The following TRAPPC9 variants were observed in gnomAD, a reference collection of about 807,000 sequenced individuals.
TRAPPC9 encodes IKK2 binding protein.
In TRAPPC9, 83 loss-of-function variants were observed where a neutral mutation model predicts 124.0. The observed-to-expected ratio is 0.67, with a 90% CI of 0.56 to 0.80. The LOEUF is 0.80. TRAPPC9 is among the 30% of genes least tolerant of loss of function. The pLI is 0.00. For synonymous variants in TRAPPC9, 638 were observed against 617.5 expected (o/e 1.03, Z -0.49); for missense variants, 1,302 against 1,508.3 (o/e 0.86, Z 2.27).
chr8:140,183,918 A>G (rs1313093550), intron 17 of TRAPPC9, among the ~76,000 whole-genome samples: 19 of 38,210 alleles, frequency 5.0e-4, no homozygotes, highest in South Asian at 2.3e-3. Flanking sequence ...AGAGGAGAGG[A>G]GAGGAGAGGA....
intron 19 of TRAPPC9, among the ~76,000 whole-genome samples, chr8:139,950,522 A>C (rs1834566927): frequency 6.6e-6 from 1 of 152,224 alleles, no homozygotes; most frequent in African/African-American, 2.4e-5. Context: ...CAAGATAACC[A>C]GTTGGCCGAG....
intron 21 of TRAPPC9, among the ~76,000 whole-genome samples, chr8:139,808,114 T>C (rs1824193831): frequency 6.6e-6 from 1 of 152,214 alleles, no homozygotes; most frequent in African/African-American, 2.4e-5. Context: ...CATTATTAAC[T>C]ATTACTTTTT....
chr8:139,855,143 C>T (rs561408276), intron 21 of TRAPPC9, among the ~76,000 whole-genome samples: 50 of 152,318 alleles, frequency 3.3e-4, no homozygotes, highest in Non-Finnish European at 6.8e-4. Context: ...TCCTTGTAAC[C>T]CAGAGCTGGG....
intron 21 of TRAPPC9, among the ~76,000 whole-genome samples, chr8:139,850,832 T>C (rs1473416): frequency 0.19 from 29,270 of 152,072 alleles, 2,929 homozygotes; most frequent in East Asian, 0.27. Flanking sequence ...TCCCATATAC[T>C]CAGCCCCCAT....
At chr8:140,196,014 C>T (rs1419453905) in intron 17 of TRAPPC9, among the ~76,000 whole-genome samples, 1 of 129,324 alleles carries the variant, frequency 7.7e-6, no homozygotes, top group Admixed American at 8.0e-5. Context: ...CTCAGCAATC[C>T]ACTGTACAGC....
rs1249120936 is a variant in TRAPPC9 at position 140,353,025 on chromosome 8, G to A, written c.1495+7025C>T. 6.6e-6 allele frequency among the ~76,000 whole-genome samples: 1 copy of A among 152,070 alleles called. No individual in the cohort carries two copies. Among genetic ancestry groups the A allele is most frequent in the African/African-American group, 2.4e-5 (1 of 41,414 alleles). On this transcript the variant is annotated intron_variant, in intron 9 of 22. Coordinates refer to ENST00000438773, the MANE Select transcript of TRAPPC9 (RefSeq NM_001160372.4). This position sits in a 1 kb window ranked among gnomAD's most constrained non-coding sequence, Gnocchi z 4.2. ...TCCAATCCTTAAAACAATCCCACAA[G>A]GTAGACGCAAAAACCAAGACACAGA...
At chr8:139,813,818 A>G (rs1190602155) in intron 21 of TRAPPC9, among the ~76,000 whole-genome samples, 2 of 152,222 alleles carry the variant, frequency 1.3e-5, no homozygotes, top group African/African-American at 4.8e-5. Flanking sequence ...GGTAGCAGAC[A>G]AAAACCACAT....
intron 9 of TRAPPC9, among the ~76,000 whole-genome samples, chr8:140,342,336 T>C (rs1457889287): frequency 1.3e-5 from 2 of 152,228 alleles, no homozygotes; most frequent in East Asian, 1.9e-4. Flanking sequence ...TATCCACTAA[T>C]ATATTTGGGA....
At chr8:140,218,832 C>T (rs1481591124) in intron 17 of TRAPPC9, among the ~76,000 whole-genome samples, 9 of 152,012 alleles carry the variant, frequency 5.9e-5, no homozygotes, top group African/African-American at 7.3e-5. Flanking sequence ...TGGTGGCGCA[C>T]GCCTGTAATT....
At chr8:139,937,888 C>T (rs1272223275) in intron 19 of TRAPPC9, among the ~76,000 whole-genome samples, 2 of 152,158 alleles carry the variant, frequency 1.3e-5, no homozygotes, top group Non-Finnish European at 2.9e-5. Context: ...CTCTGGTGCC[C>T]GCTGTGGCTC....
chr8:139,769,747 T>G (rs762861303), intron 21 of TRAPPC9, among the ~76,000 whole-genome samples: 12 of 152,176 alleles, frequency 7.9e-5, no homozygotes, highest in Non-Finnish European at 1.6e-4. Flanking sequence ...TCAGAGAAAA[T>G]GAGTGGAAGA....
intron 7 of TRAPPC9, among the ~76,000 whole-genome samples, chr8:140,390,069 C>A (rs1394832657): frequency 6.6e-6 from 1 of 152,020 alleles, no homozygotes; most frequent in Non-Finnish European, 1.5e-5. Flanking sequence ...TTTGGGAGGC[C>A]GAGGCAGGTG....
chr8:139,976,868 G>A (rs1446538894), intron 19 of TRAPPC9, among the ~76,000 whole-genome samples: 1 of 152,180 alleles, frequency 6.6e-6, no homozygotes, highest in Non-Finnish European at 1.5e-5. Flanking sequence ...CCTCTGAGAG[G>A]AGCAGTGTGG....
At chr8:140,049,751 G>A (rs567772721) in intron 17 of TRAPPC9, among the ~76,000 whole-genome samples, 11 of 152,296 alleles carry the variant, frequency 7.2e-5, no homozygotes, top group East Asian at 3.9e-4. Flanking sequence ...CTTCCTGAGC[G>A]TCTGTATCCC....
intron 19 of TRAPPC9, among the ~76,000 whole-genome samples, chr8:139,972,942 C>T (rs575403885): frequency 6.6e-6 from 1 of 152,172 alleles, no homozygotes; most frequent in Admixed American, 6.5e-5. Flanking sequence ...TCGGCTGAAG[C>T]CCAGCAGCTC....
intron 9 of TRAPPC9, among the ~76,000 whole-genome samples, chr8:140,342,031 G>A (rs754112950): frequency 2.4e-4 from 37 of 152,234 alleles, no homozygotes; most frequent in Non-Finnish European, 4.7e-4. Flanking sequence ...GAAAGAAAGG[G>A]CGGATCTGGA....
At chr8:139,796,224 G>A (rs1823084996) in intron 21 of TRAPPC9, among the ~76,000 whole-genome samples, 1 of 152,286 alleles carries the variant, frequency 6.6e-6, no homozygotes, top group South Asian at 2.1e-4. Context: ...TCCCTTCGGC[G>A]CTGTTCACAA....
In TRAPPC9 at chr8:139,853,613, A is replaced by C. The variant is rs1441484364; in HGVS notation, c.3055+32266T>G. On this transcript the variant is annotated intron_variant, in intron 21 of 22. Coordinates refer to ENST00000438773, the MANE Select transcript of TRAPPC9 (RefSeq NM_001160372.4). ...CAGGGCTTCAGCCACCACCTCCTGC[A>C]GGGTGGGGATTCAGGCCTAAGCTCT... 2.0e-5 allele frequency among the ~76,000 whole-genome samples: 3 copies of C among 152,228 alleles called. 1 individual carries two copies. Among genetic ancestry groups the C allele is most frequent in the African/African-American group, 7.2e-5 (3 of 41,462 alleles).
rs1464302322 is a variant in TRAPPC9, at chr8:139,776,359, G to T, written c.3056-44157C>A. 6.6e-6 allele frequency among the ~76,000 whole-genome samples: 1 copy of T among 152,230 alleles called. No homozygotes were observed. The highest frequency in any genetic ancestry group is 1.9e-4 in the East Asian group (1 of 5,188). On this transcript the variant is annotated intron_variant, in intron 21 of 22. Coordinates refer to ENST00000438773, the MANE Select transcript of TRAPPC9 (RefSeq NM_001160372.4). The surrounding 1 kb of genome is among the most constrained non-coding windows in gnomAD (Gnocchi z 4.1). ...ACGTCATCTCACTCGTCACAACATA[G>T]TATTGATCGGTTTGTCCTCCGTGAC...
Sources: gnomAD v4.1 joint callset for allele counts (sites outside exome capture counted in the v4.1 genomes callset) on GRCh38, gnomAD v4.1.1 for gene constraint, Gnocchi (gnomAD v3.1) non-coding constraint, MANE v1.5 for transcripts, NCBI Gene and HGNC (gene_info 2026-07-23, HGNC 2026-07-21) for gene names.